DNASE2B: variants seen among roughly 807,000 people sequenced by gnomAD.
The protein encoded by DNASE2B is deoxyribonuclease 2 beta, also known as deoxyribonuclease-2-beta.
DNASE2B carries 43 observed loss-of-function variants against 46.0 expected under a neutral mutation model. The ratio of observed to expected loss-of-function variants is 0.94; its 90% confidence interval spans 0.73 to 1.21. The LOEUF is 1.21. Ranked by LOEUF, DNASE2B falls within the 50% of genes most tolerant of loss-of-function variation. The probability of loss-of-function intolerance (pLI) is 0.00; values close to 1 mark genes in which losing one functional copy is unlikely to be tolerated. For synonymous variants in DNASE2B, 156 were observed against 152.5 expected, an observed-to-expected ratio of 1.02 and a Z score of -0.17; for missense variants, 395 against 414.4, an observed-to-expected ratio of 0.95 and a Z score of 0.41.
chr1:84,406,409 C>A (rs1444033344), intron 2 of DNASE2B, among the ~76,000 whole-genome samples: 1 of 152,036 alleles, frequency 6.6e-6, no homozygotes, highest in Non-Finnish European at 1.5e-5. Context: ...TTTGAAGGTG[C>A]AAAGGTAGCC....
intron 3 of DNASE2B, 117 bp downstream of exon 3, chr1:84,408,635 T>C: frequency 1.4e-6 from 1 of 727,474 alleles, no homozygotes; most frequent in Non-Finnish European, 2.0e-6. Flanking sequence ...CTTAATAGTT[T>C]ATTTGAGTTA....
Position 84,412,552 on chromosome 1 carries a change from A to G in DNASE2B, c.745+6A>G. 1.3e-6 allele frequency: 2 copies of G among 1,599,418 alleles called. No homozygotes were observed. The highest frequency in any genetic ancestry group is 1.7e-6 in the Non-Finnish European group (2 of 1,170,298). ...GTCGGATTCTTTTCTTGACGGTATGAAAGACCATCATCAAACAACATGCTG... is the reference window on the plus strand; with the variant it reads ...GTCGGATTCTTTTCTTGACGGTATGGAAGACCATCATCAAACAACATGCTG... On this transcript the variant is annotated splice_donor_region_variant and intron_variant, in intron 5 of 5. Transcript: ENST00000370665.
At chr1:84,414,499 C>G (rs1385708623) in intron 5 of DNASE2B, 29 bp from the exon 6 acceptor site, 2 of 1,552,708 alleles carry the variant, frequency 1.3e-6, no homozygotes, top group African/African-American at 1.4e-5. Context: ...AAATACCAAC[C>G]TCACTATCTT....
chr1:84,403,556 A>G (rs757123168), intron 2 of DNASE2B, among the ~76,000 whole-genome samples: 8 of 151,602 alleles, frequency 5.3e-5, no homozygotes, highest in Non-Finnish European at 1.0e-4. Context: ...TGGTCTTGCT[A>G]TCTCGGGGGT....
At chr1:84,402,107 A>G in intron 2 of DNASE2B, 29 bp downstream of exon 2, 1 of 1,555,622 alleles carries the variant, frequency 6.4e-7, no homozygotes, top group Non-Finnish European at 8.6e-7. Context: ...TGTTCACTTG[A>G]ATAATATAAA....
chr1:84,406,753 G>A (rs564127878), intron 2 of DNASE2B, among the ~76,000 whole-genome samples: 1 of 152,152 alleles, frequency 6.6e-6, no homozygotes, highest in African/African-American at 2.4e-5. Context: ...GTGACTGTGA[G>A]AATATTACTC....
At chr1:84,399,776 GTGTGCTGAGCTACAAGGTT>G (rs1450375262) in intron 1 of DNASE2B, among the ~76,000 whole-genome samples, 3 of 152,180 alleles carry the variant, frequency 2.0e-5, no homozygotes, top group African/African-American at 7.2e-5. Flanking sequence ...CAAGGGGTCT[GTGTGCTGAGCTACAAGGTT>G]TGAACTTGAC....
chr1:84,411,484 CAGAGAG>C (rs147046401), intron 4 of DNASE2B, among the ~76,000 whole-genome samples: 6 of 92,384 alleles, frequency 6.5e-5, no homozygotes, highest in Non-Finnish European at 9.4e-5. Context: ...GTGTGTGTGT[CAGAGAG>C]AGAGAGAGAG....
intron 2 of DNASE2B, among the ~76,000 whole-genome samples, chr1:84,406,429 A>G (rs1047459535): frequency 2.0e-5 from 3 of 152,198 alleles, no homozygotes; most frequent in Admixed American, 2.0e-4. Context: ...CCCACACCCT[A>G]GCAGGGAGAC....
chr1:84,409,386 C>T (rs1276682189), intron 3 of DNASE2B, among the ~76,000 whole-genome samples: 5 of 152,034 alleles, frequency 3.3e-5, no homozygotes, highest in South Asian at 4.2e-4. Flanking sequence ...TTGCCTGATA[C>T]GGACACAATT....
chr1:84,404,128 G>C (rs2101848676), intron 2 of DNASE2B, among the ~76,000 whole-genome samples: 1 of 152,146 alleles, frequency 6.6e-6, no homozygotes, highest in Non-Finnish European at 1.5e-5. Context: ...TGAATGATCA[G>C]ACTGCGTCTA....
intron 2 of DNASE2B, among the ~76,000 whole-genome samples, chr1:84,404,368 C>A (rs1171093500): frequency 6.6e-6 from 1 of 152,192 alleles, no homozygotes; most frequent in Non-Finnish European, 1.5e-5. Flanking sequence ...TGAAGTCATG[C>A]TCAACATCTG....
chr1:84,398,790 C>T (rs1680351017), intron 1 of DNASE2B, 101 bp downstream of exon 1: 1 of 1,489,370 alleles, frequency 6.7e-7, no homozygotes, highest in African/African-American at 1.4e-5. Flanking sequence ...CATTCTCTTT[C>T]CTCCCTTTAC....
chr1:84,414,961 A>G lies in DNASE2B; in HGVS notation c.*93A>G. ...CTTTATATTTTAAAGGCCTGTGAATATACTTATAACCTGCATATCACAAAA... is the reference window on the plus strand; with the variant it reads ...CTTTATATTTTAAAGGCCTGTGAATGTACTTATAACCTGCATATCACAAAA... On this transcript the variant is annotated 3_prime_UTR_variant, in exon 6 of 6. Coordinates refer to ENST00000370665, the MANE Select transcript of DNASE2B (RefSeq NM_021233.3). 1.0e-5 allele frequency: 9 copies of G among 898,270 alleles called. No homozygotes were observed. The highest frequency in any genetic ancestry group is 2.8e-5 in the Admixed American group (1 of 35,642). 55.6% of individuals were successfully genotyped at this position (898,270 alleles called of 1,614,324 possible). A position where few individuals can be genotyped will look rare whatever the true frequency, so the allele number is the denominator to read the frequency against.
intron 3 of DNASE2B, among the ~76,000 whole-genome samples, chr1:84,408,857 T>C (rs1221891495): frequency 1.3e-5 from 2 of 151,350 alleles, no homozygotes; most frequent in South Asian, 2.1e-4. Context: ...TATGTATATA[T>C]GTATATGTGC....
At chr1:84,407,729 A>G (rs1284996563) in intron 2 of DNASE2B, among the ~76,000 whole-genome samples, 1 of 152,156 alleles carries the variant, frequency 6.6e-6, no homozygotes, top group Non-Finnish European at 1.5e-5. Context: ...TATCGAAATA[A>G]TAGCTTTATT....
intron 1 of DNASE2B, among the ~76,000 whole-genome samples, chr1:84,401,563 C>A (rs911273410): frequency 3.3e-5 from 5 of 152,226 alleles, no homozygotes; most frequent in Admixed American, 6.5e-5. Context: ...AGTCAGCCAA[C>A]TGCATGGTCT....
chr1:84,407,880 G>T (rs1346254762), intron 2 of DNASE2B, among the ~76,000 whole-genome samples: 1 of 152,070 alleles, frequency 6.6e-6, no homozygotes, highest in Admixed American at 6.6e-5. Context: ...CTGAAAAATG[G>T]ATTGCAGAAA....
intron 4 of DNASE2B, among the ~76,000 whole-genome samples, chr1:84,411,484 C>CAGAG (rs147046401): frequency 1.3e-4 from 12 of 92,366 alleles, no homozygotes; most frequent in African/African-American, 4.5e-4. Flanking sequence ...GTGTGTGTGT[C>CAGAG]AGAGAGAGAG....
Sources: gnomAD v4.1 joint callset for allele counts (sites outside exome capture counted in the v4.1 genomes callset) on GRCh38, gnomAD v4.1.1 for gene constraint, MANE v1.5 for transcripts, NCBI Gene and HGNC (gene_info 2026-07-23, HGNC 2026-07-21) for gene names.